The following CELF2 variants were observed in gnomAD, a reference collection of about 807,000 sequenced individuals.
CELF2 encodes CUGBP Elav-like family member 2.
CELF2 carries 8 observed loss-of-function variants against 62.6 expected under a neutral mutation model. That is an observed-to-expected ratio of 0.13 (90% confidence interval 0.07 to 0.23). The LOEUF (loss-of-function observed/expected upper bound fraction) is 0.23, where lower values mean the gene tolerates loss of function less well. Among genes scored for constraint, CELF2 ranks in the 10% least tolerant of loss-of-function variants. CELF2 has a pLI of 1.00. For missense variants in CELF2, 333 were observed against 671.0 expected (o/e 0.50, Z 5.56); for synonymous variants, 258 against 250.0 (o/e 1.03, Z -0.30).
At chr10:10,807,114 AAAG>A (rs1291948472) in intron 1 of CELF2, among the ~76,000 whole-genome samples, 1 of 152,238 alleles carries the variant, frequency 6.6e-6, no homozygotes, top group Admixed American at 6.5e-5. Context: ...GCTAGAAAAT[AAAG>A]AATCTCCTAT....
chr10:11,065,083 G>A (rs996138696), intron 1 of CELF2, among the ~76,000 whole-genome samples: 1 of 152,192 alleles, frequency 6.6e-6, no homozygotes, highest in Admixed American at 6.5e-5. Context: ...AGTTCAAGCA[G>A]TTAAGCAATT....
In CELF2 at chr10:11,316,358, T is replaced by C. The variant is rs1022917836; in HGVS notation, c.1096+2100T>C. Among the ~76,000 whole-genome samples, 3 of 152,206 alleles carry C rather than the reference T, an allele frequency of 2.0e-5. No individual in the cohort carries two copies. Among genetic ancestry groups the C allele is most frequent in the East Asian group, 1.9e-4 (1 of 5,202 alleles). ...ACCAATGAAAATACATTCCTTGTGATTGGAAAGTGTTACTAATGCAGAGCC... is the reference window on the plus strand; with the variant it reads ...ACCAATGAAAATACATTCCTTGTGACTGGAAAGTGTTACTAATGCAGAGCC... On this transcript the variant is annotated intron_variant, in intron 10 of 12. Coordinates refer to ENST00000633077, the MANE Select transcript of CELF2 (RefSeq NM_001326342.2). The surrounding 1 kb of genome is among the most constrained non-coding windows in gnomAD (Gnocchi z 4.4).
At chr10:10,837,652 G>A (rs1030548540) in intron 1 of CELF2, among the ~76,000 whole-genome samples, 3 of 152,146 alleles carry the variant, frequency 2.0e-5, no homozygotes, top group South Asian at 2.1e-4. Flanking sequence ...AAGTATTAAC[G>A]GTCAGACTGG....
At chr10:11,103,487 A>ATTTTTTTTTTTTTTTTTTTTTTTTTTTTT (rs3054364) in intron 1 of CELF2, among the ~76,000 whole-genome samples, 5 of 119,750 alleles carry the variant, frequency 4.2e-5, no homozygotes, top group African/African-American at 1.1e-4. Context: ...TTGTAGCCTG[A>ATTTTTTTTTTTTTTTTTTTTTTTTTTTTT]TTTTTTTTTT....
chr10:10,953,400 T>C (rs983925559), intron 2 of CELF2, among the ~76,000 whole-genome samples: 7 of 152,208 alleles, frequency 4.6e-5, no homozygotes, highest in Admixed American at 1.3e-4. Flanking sequence ...ATATTGAGTG[T>C]GCTTTCACAC....
intron 1 of CELF2, among the ~76,000 whole-genome samples, chr10:10,901,162 G>A (rs909740023): frequency 7.9e-5 from 12 of 152,070 alleles, no homozygotes; most frequent in Admixed American, 2.0e-4. Flanking sequence ...AGGATTTTTC[G>A]GTAGAATTTT....
intron 2 of CELF2, among the ~76,000 whole-genome samples, chr10:10,994,623 T>G (rs1473934285): frequency 6.6e-6 from 1 of 152,218 alleles, no homozygotes; most frequent in Non-Finnish European, 1.5e-5. Context: ...AACCCTGTTG[T>G]GAACAGCACA....
At chr10:11,261,651 C>G (rs983001358) in intron 5 of CELF2, among the ~76,000 whole-genome samples, 1 of 152,144 alleles carries the variant, frequency 6.6e-6, no homozygotes, top group Non-Finnish European at 1.5e-5. Flanking sequence ...ATGCGTTTCT[C>G]CCTTTGGGGA....
chr10:10,913,379 CTTTTTTTTT>C (rs34163796), intron 1 of CELF2, among the ~76,000 whole-genome samples: 2 of 57,360 alleles, frequency 3.5e-5, no homozygotes, highest in Non-Finnish European at 5.7e-5. Context: ...GTAATGATGT[CTTTTTTTTT>C]TTTTTTTTTT....
At chr10:10,794,511 A>G (rs1055365940), upstream of CELF2, among the ~76,000 whole-genome samples, 9 of 152,212 alleles carry the variant, frequency 5.9e-5, no homozygotes, top group African/African-American at 2.2e-4. Flanking sequence ...TGCAGTTTAT[A>G]AGAAATGGAG....
the CELF2 span, among the ~76,000 whole-genome samples, chr10:10,559,058 T>C: frequency 6.6e-6 from 1 of 152,214 alleles, no homozygotes; most frequent in Non-Finnish European, 1.5e-5. Context: ...CTATTTCTTT[T>C]AAATGTTTTA....
intron 1 of CELF2, among the ~76,000 whole-genome samples, chr10:11,125,491 G>A (rs2058532450): frequency 6.6e-6 from 1 of 151,896 alleles, no homozygotes; most frequent in Admixed American, 6.6e-5. Context: ...GCTCAGAGAG[G>A]AGAGCTCAAC....
chr10:10,501,670 T>G, the CELF2 span, among the ~76,000 whole-genome samples: 2 of 152,188 alleles, frequency 1.3e-5, no homozygotes, highest in Admixed American at 6.5e-5. Flanking sequence ...CTGAACTCAC[T>G]AATTCTAGGA....
the CELF2 span, among the ~76,000 whole-genome samples, chr10:10,670,410 G>T: frequency 1.3e-5 from 2 of 152,088 alleles, no homozygotes; most frequent in Non-Finnish European, 2.9e-5. Context: ...AAGGTTATTC[G>T]TACTTAGACT....
intron 1 of CELF2, among the ~76,000 whole-genome samples, chr10:10,869,611 G>T (rs2060608689): frequency 6.6e-6 from 1 of 152,004 alleles, no homozygotes; most frequent in African/African-American, 2.4e-5. Flanking sequence ...ATATATTTTA[G>T]GATAGGATTT....
chr10:11,175,171 C>T (rs2070589564), intron 2 of CELF2, among the ~76,000 whole-genome samples: 1 of 152,064 alleles, frequency 6.6e-6, no homozygotes, highest in Non-Finnish European at 1.5e-5. Context: ...CCTAACTAGG[C>T]CACTGTACCT....
intron 6 of CELF2, 49 bp downstream of exon 6, chr10:11,266,726 G>T (rs1406244530): frequency 1.4e-6 from 2 of 1,450,438 alleles, no homozygotes; most frequent in South Asian, 2.3e-5. Context: ...AAATGATGGG[G>T]AATGGTAAAG....
chr10:10,715,745 A>T, the CELF2 span, among the ~76,000 whole-genome samples: 3 of 152,296 alleles, frequency 2.0e-5, no homozygotes, highest in African/African-American at 7.2e-5. Flanking sequence ...TCTGCTTGCC[A>T]TATAGGGTTG....
At chr10:10,659,190 C>G in the CELF2 span, among the ~76,000 whole-genome samples, 2 of 152,160 alleles carry the variant, frequency 1.3e-5, no homozygotes, top group African/African-American at 2.4e-5. Context: ...CTTGATCCGA[C>G]TAATCCCTCA....
Sources: allele counts gnomAD v4.1 joint callset (sites outside exome capture counted in the v4.1 genomes callset), GRCh38; gene constraint gnomAD v4.1.1; non-coding constraint Gnocchi (gnomAD v3.1); transcripts MANE v1.5; gene names NCBI Gene and HGNC (gene_info 2026-07-23, HGNC 2026-07-21).